The following CRYBB1 variants were observed in gnomAD, a reference collection of about 807,000 sequenced individuals.
CRYBB1 encodes beta-crystallin B1.
Under a neutral mutation model 29.5 loss-of-function variants are expected in CRYBB1, and 16 were observed. The ratio of observed to expected loss-of-function variants is 0.54; its 90% confidence interval spans 0.37 to 0.82. The LOEUF is 0.82. Ranked by LOEUF, CRYBB1 falls within the 40% of genes least tolerant of loss-of-function variation. The pLI, the probability that CRYBB1 is intolerant of heterozygous loss-of-function variation, is 0.00. For synonymous variants in CRYBB1, 127 were observed against 136.7 expected, an observed-to-expected ratio of 0.93 and a Z score of 0.49; for missense variants, 300 against 350.5, an observed-to-expected ratio of 0.86 and a Z score of 1.15.
intron 2 of CRYBB1, 106 bp downstream of exon 2, chr22:26,616,034 C>T (rs1395637118): frequency 2.9e-5 from 26 of 882,288 alleles, no homozygotes; most frequent in East Asian, 1.2e-4. Flanking sequence ...GAAAGAGGTG[C>T]GGAGGAGTAA....
intron 3 of CRYBB1, among the ~76,000 whole-genome samples, chr22:26,611,459 T>C (rs1197059105): frequency 7.4e-5 from 10 of 134,684 alleles, no homozygotes; most frequent in Non-Finnish European, 1.3e-4. Context: ...AGTTTGTTTT[T>C]TTTTTTTTTG....
chr22:26,607,857 G>A, intron 4 of CRYBB1, 32 bp downstream of exon 4: 1 of 1,613,936 alleles, frequency 6.2e-7, no homozygotes, highest in Non-Finnish European at 8.5e-7. Context: ...CCGCCTGGCT[G>A]ATTCTCCAGC....
chr22:26,611,723 C>G (rs1929172239), intron 3 of CRYBB1, among the ~76,000 whole-genome samples: 1 of 152,140 alleles, frequency 6.6e-6, no homozygotes, highest in African/African-American at 2.4e-5. Flanking sequence ...ATCCACCCGC[C>G]TCGGCCTCCC....
chr22:26,616,268 C>CT lies in CRYBB1; in HGVS notation c.51dup (p.Gly18ArgfsTer3), dbSNP rs779975282. Reference sequence around the variant, plus strand: ...GCCCCCTTCCCCTTGGTGTCAGGCCCTGGGTTCACCGCCACTGTGGCCGAG... The same window carrying CT: ...GCCCCCTTCCCCTTGGTGTCAGGCCCTTGGGTTCACCGCCACTGTGGCCGAG... On this transcript the variant is annotated frameshift_variant, in exon 2 of 6. Transcript: ENST00000647684. LOFTEE classifies it high-confidence loss of function. The CT allele has an allele frequency of 2.5e-6, 4 of 1,613,966 alleles. No homozygotes were observed. Among genetic ancestry groups the CT allele is most frequent in the Admixed American group, 1.7e-5 (1 of 60,028 alleles).
chr22:26,611,516 G>A (rs1183857258), intron 3 of CRYBB1, among the ~76,000 whole-genome samples: 33 of 148,544 alleles, frequency 2.2e-4, no homozygotes, highest in African/African-American at 5.0e-4. Flanking sequence ...CGCCCAGGCC[G>A]GACTGCAGAC....
At chr22:26,616,045 G>A (rs1252553979) in intron 2 of CRYBB1, 95 bp downstream of exon 2, 1 of 957,104 alleles carries the variant, frequency 1.0e-6, no homozygotes, top group East Asian at 2.4e-5. Flanking sequence ...GGAGGAGTAA[G>A]AGGTGAAAGA....
intron 2 of CRYBB1, among the ~76,000 whole-genome samples, chr22:26,613,418 C>T (rs375814482): frequency 6.6e-6 from 1 of 152,302 alleles, no homozygotes; most frequent in Non-Finnish European, 1.5e-5. Context: ...GGACCCCAAA[C>T]GGAGGAACTG....
At chr22:26,612,503 A>G (rs550362131) in intron 2 of CRYBB1, among the ~76,000 whole-genome samples, 106 of 152,226 alleles carry the variant, frequency 7.0e-4, no homozygotes, top group African/African-American at 2.5e-3. Context: ...TTGAGATTAC[A>G]GGCACCCACC....
At chr22:26,616,661 G>A (rs551699064) in intron 1 of CRYBB1, among the ~76,000 whole-genome samples, 4 of 152,106 alleles carry the variant, frequency 2.6e-5, no homozygotes, top group Non-Finnish European at 4.4e-5. Flanking sequence ...TGATTTGCTT[G>A]TGCAACTCCA....
chr22:26,599,435 G>T lies in CRYBB1; in HGVS notation c.*55C>A. The T allele has an allele frequency of 6.5e-7, 1 of 1,536,572 alleles. No individual in the cohort carries two copies. The highest frequency in any genetic ancestry group is 1.9e-5 in the Admixed American group (1 of 53,294). ...TTTTATTTGCCTGGGAAAAATGGGG[G>T]AAATAATTGAACATGAAGAAGGGTT... On this transcript the variant is annotated 3_prime_UTR_variant, in exon 6 of 6. Transcript: ENST00000647684.
At chr22:26,617,485 G>T (rs900221919) in intron 1 of CRYBB1, among the ~76,000 whole-genome samples, 2 of 152,144 alleles carry the variant, frequency 1.3e-5, no homozygotes, top group African/African-American at 4.8e-5. Context: ...TTCACCAGGG[G>T]TGAGGCCAGA....
chr22:26,607,923 C>G lies in CRYBB1; in HGVS notation c.398G>C (p.Ser133Thr). ...GGGCCGGAAGGACATGAGCCGATCA[C>G]TGCGGTAGCTGCTCGACCATGTGTT... ...RWNTWSSSYRSDRLMSFRPIK... is the reference protein window; with the variant it reads ...RWNTWSSSYRTDRLMSFRPIK... The change falls in exon 4 of 6, where the codon AGT becomes ACT. Residue 133 changes from serine to threonine, a missense_variant. By Grantham distance (58) the Ser-to-Thr change is moderately conservative. Transcript: ENST00000647684. The G allele has an allele frequency of 3.1e-6, 5 of 1,614,234 alleles. No individual in the cohort carries two copies. Among genetic ancestry groups the G allele is most frequent in the Non-Finnish European group, 4.2e-6 (5 of 1,180,050 alleles).
chr22:26,601,934 G>A lies in CRYBB1; in HGVS notation c.520C>T (p.Leu174Phe). The A allele has an allele frequency of 6.2e-7, 1 of 1,613,154 alleles. No individual in the cohort carries two copies. Among genetic ancestry groups the A allele is most frequent in the Non-Finnish European group, 8.5e-7 (1 of 1,179,880 alleles). The change falls in exon 5 of 6, where the codon CTC becomes TTC. Residue 174 changes from leucine to phenylalanine, a missense_variant. By Grantham distance (22) the Leu-to-Phe change is conservative. Transcript: ENST00000647684. ...CGGTCACTGAAGCCGTAGACCCAGA[G>A]ACTGGGTGCGTCGTCCCCCTGGATC... ...IEIQGDDAPS[L>F]WVYGFSDRVG...
chr22:26,609,823 T>C (rs1373290219), intron 3 of CRYBB1, among the ~76,000 whole-genome samples: 1 of 152,138 alleles, frequency 6.6e-6, no homozygotes, highest in Admixed American at 6.5e-5. Flanking sequence ...CTGCATGCAT[T>C]TGGGCAGCAC....
At chr22:26,611,489 A>G (rs1929161531) in intron 3 of CRYBB1, among the ~76,000 whole-genome samples, 1 of 137,228 alleles carries the variant, frequency 7.3e-6, no homozygotes, top group East Asian at 2.1e-4. Context: ...TTTTTTTGAG[A>G]CGGAGTCTCG....
At chr22:26,617,058 G>A (rs1929379803) in intron 1 of CRYBB1, among the ~76,000 whole-genome samples, 1 of 152,206 alleles carries the variant, frequency 6.6e-6, no homozygotes, top group Non-Finnish European at 1.5e-5. Context: ...TTCCCCGTCT[G>A]CTTCCTCTGA....
At chr22:26,601,237 G>T (rs1299890306) in intron 5 of CRYBB1, among the ~76,000 whole-genome samples, 1 of 152,142 alleles carries the variant, frequency 6.6e-6, no homozygotes, top group Non-Finnish European at 1.5e-5. Context: ...GGAGGCAGGG[G>T]GATGGATAAA....
chr22:26,600,109 T>C (rs1378279901), intron 5 of CRYBB1, among the ~76,000 whole-genome samples: 2 of 152,058 alleles, frequency 1.3e-5, no homozygotes, highest in Non-Finnish European at 2.9e-5. Context: ...TTTCAAAAAA[T>C]TGGTTTTCTT....
intron 1 of CRYBB1, 64 bp downstream of exon 1, chr22:26,617,913 C>G (rs1396682954): frequency 6.5e-6 from 1 of 153,556 alleles, no homozygotes; most frequent in Non-Finnish European, 1.5e-5. Context: ...GCCTCCCTCT[C>G]TCTGTCTCCC....
Sources: gnomAD v4.1 joint callset for allele counts (sites outside exome capture counted in the v4.1 genomes callset) on GRCh38, gnomAD v4.1.1 for gene constraint, MANE v1.5 for transcripts, NCBI Gene and HGNC (gene_info 2026-07-23, HGNC 2026-07-21) for gene names.